Variants in PALM2AKAP2 observed in about 807,000 individuals in gnomAD.
PALM2AKAP2 encodes the protein PALM2-AKAP2 fusion protein.
A neutral mutation model predicts 71.5 loss-of-function variants in PALM2AKAP2; 37 were observed. The ratio of observed to expected loss-of-function variants is 0.52; its 90% CI spans 0.40 to 0.68. PALM2AKAP2 has a LOEUF of 0.68. Among genes scored for constraint, PALM2AKAP2 ranks in the 30% least tolerant of loss-of-function variants. The probability of loss-of-function intolerance (pLI) is 0.00; values close to 1 mark genes in which losing one functional copy is unlikely to be tolerated. For synonymous variants in PALM2AKAP2, 468 were observed against 478.8 expected, an observed-to-expected ratio of 0.98 and a Z score of 0.29; for missense variants, 1,224 against 1,191.8, an observed-to-expected ratio of 1.03 and a Z score of -0.40.
At chr9:110,102,772 A>C (rs1262601596) in intron 1 of PALM2AKAP2, among the ~76,000 whole-genome samples, 1 of 152,198 alleles carries the variant, frequency 6.6e-6, no homozygotes, top group Non-Finnish European at 1.5e-5. Flanking sequence ...TTTCAATGAC[A>C]CTTAAAATTT....
chr9:109,780,798 T>C (rs1443302579), intron 1 of PALM2AKAP2, among the ~76,000 whole-genome samples: 4 of 152,124 alleles, frequency 2.6e-5, no homozygotes, highest in Admixed American at 2.6e-4. Flanking sequence ...GGGGAAGGAC[T>C]AAACAGAGGC....
chr9:109,640,927 G>A, intron 1 of PALM2AKAP2: 2 of 1,472,226 alleles, frequency 1.4e-6, no homozygotes, highest in Non-Finnish European at 1.8e-6. Context: ...CATGGTGACC[G>A]CGGCGGCAGG....
At chr9:109,963,618 G>A (rs1831890323) in intron 6 of PALM2AKAP2, among the ~76,000 whole-genome samples, 1 of 152,124 alleles carries the variant, frequency 6.6e-6, no homozygotes. Flanking sequence ...GGCTTTATAG[G>A]GCCTTGCTCT....
chr9:110,061,460 A>G (rs184765843), intron 1 of PALM2AKAP2, among the ~76,000 whole-genome samples: 4 of 152,212 alleles, frequency 2.6e-5, no homozygotes, highest in Admixed American at 2.6e-4. Flanking sequence ...TTAACCTTCC[A>G]TAAGCACAGA....
chr9:109,864,386 A>G (rs1829391618), intron 1 of PALM2AKAP2, among the ~76,000 whole-genome samples: 1 of 152,164 alleles, frequency 6.6e-6, no homozygotes, highest in Non-Finnish European at 1.5e-5. Context: ...CACTTTGCCT[A>G]ACCCCCCAGA....
chr9:110,104,181 T>TG (rs1483973051), intron 1 of PALM2AKAP2, among the ~76,000 whole-genome samples: 46 of 101,022 alleles, frequency 4.6e-4, no homozygotes, highest in Non-Finnish European at 7.2e-4. Flanking sequence ...TGCTTTTTTT[T>TG]GGGGGGGCGG....
At chr9:109,815,304 A>G (rs1295103020) in intron 1 of PALM2AKAP2, among the ~76,000 whole-genome samples, 1 of 152,260 alleles carries the variant, frequency 6.6e-6, no homozygotes, top group African/African-American at 2.4e-5. Context: ...TGTTGAGATC[A>G]TAATACCTTC....
At chr9:110,112,576 C>T (rs1170179950) in intron 1 of PALM2AKAP2, among the ~76,000 whole-genome samples, 6 of 152,350 alleles carry the variant, frequency 3.9e-5, no homozygotes, top group Admixed American at 3.3e-4. Context: ...CCAGCAAGCA[C>T]ATGCAAATAG....
chr9:109,918,336 A>G (rs1017539508), intron 3 of PALM2AKAP2, among the ~76,000 whole-genome samples: 4 of 152,184 alleles, frequency 2.6e-5, no homozygotes, highest in Non-Finnish European at 5.9e-5. Context: ...GGTTAGGTAC[A>G]TTTTATAAGA....
At chr9:109,845,858 A>G (rs1308210611) in intron 1 of PALM2AKAP2, among the ~76,000 whole-genome samples, 1 of 152,200 alleles carries the variant, frequency 6.6e-6, no homozygotes, top group East Asian at 1.9e-4. Flanking sequence ...GCCATCATTC[A>G]TTTACTTATT....
intron 1 of PALM2AKAP2, among the ~76,000 whole-genome samples, chr9:109,805,480 A>G (rs906463051): frequency 1.7e-4 from 26 of 152,192 alleles, no homozygotes; most frequent in Non-Finnish European, 1.0e-4. Context: ...GAAAAGCAGG[A>G]TTTAAAAACC....
chr9:109,868,186 G>A (rs1240727720), intron 2 of PALM2AKAP2, among the ~76,000 whole-genome samples: 1 of 151,094 alleles, frequency 6.6e-6, no homozygotes, highest in African/African-American at 2.4e-5. Flanking sequence ...CATCTAAAAA[G>A]AGAGAGAGAG....
chr9:109,994,641 AC>A (rs2132251311), intron 6 of PALM2AKAP2, among the ~76,000 whole-genome samples: 1 of 151,504 alleles, frequency 6.6e-6, no homozygotes, highest in East Asian at 1.9e-4. Context: ...CATCCTGACC[AC>A]CTCCTACTCC....
At chr9:109,976,037 C>T (rs1415433184) in intron 6 of PALM2AKAP2, among the ~76,000 whole-genome samples, 3 of 152,316 alleles carry the variant, frequency 2.0e-5, no homozygotes, top group East Asian at 1.9e-4. Flanking sequence ...TTATTGGAAG[C>T]ATTTTTTCTG....
intron 3 of PALM2AKAP2, 105 bp downstream of exon 3, chr9:109,880,786 T>G (rs1485381757): frequency 4.9e-6 from 7 of 1,418,546 alleles, no homozygotes; most frequent in Non-Finnish European, 6.5e-6. Flanking sequence ...TCTCCTGTAC[T>G]TGAGAATTTT....
intron 6 of PALM2AKAP2, among the ~76,000 whole-genome samples, chr9:109,994,261 C>T (rs576922061): frequency 1.2e-4 from 19 of 152,260 alleles, no homozygotes; most frequent in African/African-American, 3.9e-4. Context: ...TTGCACATGA[C>T]GGCAGAGGAA....
intron 1 of PALM2AKAP2, among the ~76,000 whole-genome samples, chr9:109,768,937 T>C (rs1360029999): frequency 6.6e-6 from 1 of 152,140 alleles, no homozygotes; most frequent in Non-Finnish European, 1.5e-5. Context: ...CTGGGCAACA[T>C]AGTGAGACCC....
intron 1 of PALM2AKAP2, among the ~76,000 whole-genome samples, chr9:109,740,726 T>C (rs1262664346): frequency 1.3e-5 from 2 of 152,214 alleles, no homozygotes; most frequent in South Asian, 2.1e-4. Flanking sequence ...CGATCTTGGC[T>C]CACTGCAACC....
chr9:109,947,363 A>C (rs1831533086), intron 6 of PALM2AKAP2, among the ~76,000 whole-genome samples: 1 of 152,240 alleles, frequency 6.6e-6, no homozygotes, highest in Admixed American at 6.5e-5. Context: ...CTAGAGATAC[A>C]ATATCATCTC....
Sources: gnomAD v4.1 joint callset for allele counts (sites outside exome capture counted in the v4.1 genomes callset) on GRCh38, gnomAD v4.1.1 for gene constraint, MANE v1.5 for transcripts, NCBI Gene and HGNC (gene_info 2026-07-23, HGNC 2026-07-21) for gene names.